MYRIP: variants seen among roughly 807,000 people sequenced by gnomAD.
The protein encoded by MYRIP is rab effector MyRIP.
In MYRIP, 49 loss-of-function variants were observed where a neutral mutation model predicts 98.0. The observed-to-expected ratio is 0.50, with a 90% CI of 0.40 to 0.63. MYRIP has a LOEUF of 0.63. MYRIP is among the 30% of genes least tolerant of loss of function. The pLI is 0.00. For synonymous variants in MYRIP, 404 were observed against 409.5 expected (o/e 0.99, Z 0.16); for missense variants, 1,004 against 1,058.2 (o/e 0.95, Z 0.71).
At chr3:40,047,753 A>G (rs1947700856) in intron 3 of MYRIP, among the ~76,000 whole-genome samples, 1 of 152,198 alleles carries the variant, frequency 6.6e-6, no homozygotes, top group South Asian at 2.1e-4. Flanking sequence ...TGTTTGACAG[A>G]GAAGTATGTC....
intron 1 of MYRIP, among the ~76,000 whole-genome samples, chr3:39,857,164 G>A (rs1009934052): frequency 4.6e-5 from 7 of 151,866 alleles, no homozygotes; most frequent in Non-Finnish European, 7.4e-5. Context: ...AGTGAGCCAA[G>A]ACCATGCTAC....
At chr3:39,865,703 G>T (rs1321550768) in intron 1 of MYRIP, among the ~76,000 whole-genome samples, 1 of 152,152 alleles carries the variant, frequency 6.6e-6, no homozygotes, top group Non-Finnish European at 1.5e-5. Context: ...AGAGCAAGGG[G>T]AACACTTATA....
intron 1 of MYRIP, among the ~76,000 whole-genome samples, chr3:39,819,199 T>C (rs1941026576): frequency 6.6e-6 from 1 of 152,014 alleles, no homozygotes; most frequent in Non-Finnish European, 1.5e-5. Context: ...ATACAAAAAA[T>C]TAGCTGAGCA....
At chr3:39,905,056 T>C (rs770974920) in intron 2 of MYRIP, among the ~76,000 whole-genome samples, 26 of 152,190 alleles carry the variant, frequency 1.7e-4, no homozygotes, top group Non-Finnish European at 3.7e-4. Flanking sequence ...TGGAGGATGC[T>C]GGAAACAAAA....
At chr3:40,043,832 T>C (rs1947603686) in intron 2 of MYRIP, among the ~76,000 whole-genome samples, 1 of 152,216 alleles carries the variant, frequency 6.6e-6, no homozygotes, top group Non-Finnish European at 1.5e-5. Flanking sequence ...TCATAGAAAA[T>C]CTGACATACA....
chr3:39,926,510 A>G (rs944541107), intron 2 of MYRIP, among the ~76,000 whole-genome samples: 3 of 152,110 alleles, frequency 2.0e-5, no homozygotes, highest in African/African-American at 7.2e-5. Context: ...TAATTTTTAT[A>G]TATGGTTAAA....
intron 3 of MYRIP, among the ~76,000 whole-genome samples, chr3:40,084,291 C>T (rs1457015444): frequency 1.4e-5 from 1 of 71,998 alleles, no homozygotes; most frequent in East Asian, 3.2e-4. Flanking sequence ...TATTATATAT[C>T]GATATATAAT....
At chr3:40,109,623 T>G (rs1236229241) in intron 3 of MYRIP, among the ~76,000 whole-genome samples, 3 of 152,134 alleles carry the variant, frequency 2.0e-5, no homozygotes, top group Admixed American at 6.5e-5. Context: ...AGGTTGATGT[T>G]GGGAAGGATA....
chr3:39,865,850 A>G (rs979167965), intron 1 of MYRIP, among the ~76,000 whole-genome samples: 6 of 152,190 alleles, frequency 3.9e-5, no homozygotes, highest in African/African-American at 7.2e-5. Context: ...AAATCACTCT[A>G]CTATAAAGAC....
chr3:40,035,911 G>C (rs1249377894), intron 2 of MYRIP, among the ~76,000 whole-genome samples: 1 of 151,822 alleles, frequency 6.6e-6, no homozygotes, highest in East Asian at 1.9e-4. Context: ...AGAAAATGCA[G>C]ATGAACAAAG....
At chr3:39,850,071 A>T (rs1158973394) in intron 1 of MYRIP, among the ~76,000 whole-genome samples, 4 of 152,162 alleles carry the variant, frequency 2.6e-5, no homozygotes, top group Admixed American at 1.3e-4. Context: ...GGTGTCAGAG[A>T]GTATGAGTGT....
At chr3:40,072,744 C>T (rs1221705636) in intron 3 of MYRIP, among the ~76,000 whole-genome samples, 4 of 152,092 alleles carry the variant, frequency 2.6e-5, no homozygotes, top group African/African-American at 9.7e-5. Context: ...GAGAACTCTT[C>T]TGTATTATTT....
chr3:40,109,439 A>G (rs1285861737), intron 3 of MYRIP, among the ~76,000 whole-genome samples: 2 of 152,150 alleles, frequency 1.3e-5, no homozygotes, highest in Non-Finnish European at 2.9e-5. Context: ...ATTTGGGGCA[A>G]AAGTCTGAAG....
intron 2 of MYRIP, among the ~76,000 whole-genome samples, chr3:39,909,400 C>A (rs923383464): frequency 6.6e-6 from 1 of 152,000 alleles, no homozygotes; most frequent in African/African-American, 2.4e-5. Context: ...CCCTTCTGGG[C>A]AAATATGAAA....
Position 40,229,467 on chromosome 3 carries a change from G to A in MYRIP, c.1906-4392G>A, listed in dbSNP as rs766886103. On this transcript the variant is annotated intron_variant, in intron 11 of 16. Coordinates refer to ENST00000302541, the MANE Select transcript of MYRIP (RefSeq NM_015460.4). Reference sequence around the variant, plus strand: ...TGAGGCAGGGCTGCAACCTTGGCACGGTAAATGACTGTCGTAAAGGCCTGC... The same window carrying A: ...TGAGGCAGGGCTGCAACCTTGGCACAGTAAATGACTGTCGTAAAGGCCTGC... Among the ~76,000 whole-genome samples, 10 of 152,304 alleles carry A rather than the reference G, an allele frequency of 6.6e-5. No homozygotes were observed. In the East Asian group the frequency reaches 1.2e-3, roughly 18 times the overall value.
chr3:40,186,053 C>T (rs1186013775), intron 9 of MYRIP, among the ~76,000 whole-genome samples: 2 of 152,096 alleles, frequency 1.3e-5, no homozygotes, highest in Non-Finnish European at 2.9e-5. Context: ...AGAAAATAAA[C>T]TATAATATAG....
intron 3 of MYRIP, chr3:40,099,961 TTGTC>T (rs1948912851): frequency 2.0e-6 from 2 of 980,708 alleles, no homozygotes; most frequent in Non-Finnish European, 2.4e-6. Context: ...TCGGCATTGG[TTGTC>T]TGAGATTTCA....
intron 2 of MYRIP, among the ~76,000 whole-genome samples, chr3:39,998,926 A>G (rs1470167481): frequency 6.6e-6 from 1 of 152,238 alleles, no homozygotes; most frequent in Non-Finnish European, 1.5e-5. Flanking sequence ...AGCAATGGGG[A>G]AAGGATTCCC....
intron 2 of MYRIP, among the ~76,000 whole-genome samples, chr3:40,031,256 G>C (rs1947254431): frequency 6.6e-6 from 1 of 152,042 alleles, no homozygotes; most frequent in Admixed American, 6.6e-5. Flanking sequence ...AATGGTACTA[G>C]TCCCATTCAC....
Sources: allele counts gnomAD v4.1 joint callset (sites outside exome capture counted in the v4.1 genomes callset), GRCh38; gene constraint gnomAD v4.1.1; transcripts MANE v1.5; gene names NCBI Gene and HGNC (gene_info 2026-07-23, HGNC 2026-07-21).